Variants in NRXN3 observed in about 807,000 individuals in gnomAD.
NRXN3 encodes neurexin III.
NRXN3 carries 32 observed loss-of-function variants against 137.6 expected under a neutral mutation model. The ratio of observed to expected loss-of-function variants is 0.23; its 90% CI spans 0.18 to 0.31. The LOEUF is 0.31. Among genes scored for constraint, NRXN3 ranks in the 10% least tolerant of loss-of-function variants. The pLI is 1.00. For missense variants in NRXN3, 1,574 were observed against 2,062.5 expected (o/e 0.76, Z 4.59); for synonymous variants, 798 against 784.5 (o/e 1.02, Z -0.29).
chr14:78,710,827 C>A (rs1184193807), intron 7 of NRXN3, among the ~76,000 whole-genome samples: 5 of 152,152 alleles, frequency 3.3e-5, no homozygotes, highest in African/African-American at 1.2e-4. Flanking sequence ...AGATGGGTGG[C>A]AGATTGCAGC....
intron 4 of NRXN3, among the ~76,000 whole-genome samples, chr14:78,376,294 T>G (rs2087827999): frequency 6.6e-6 from 1 of 152,148 alleles, no homozygotes. Context: ...TCTAAAGAGG[T>G]CAGCTTCTAC....
At chr14:79,384,039 G>T (rs1298186446) in intron 15 of NRXN3, among the ~76,000 whole-genome samples, 1 of 152,116 alleles carries the variant, frequency 6.6e-6, no homozygotes, top group African/African-American at 2.4e-5. Flanking sequence ...GTTACCTGAA[G>T]CAATGCTTCT....
intron 16 of NRXN3, among the ~76,000 whole-genome samples, chr14:79,624,289 C>CTCCTGGG (rs2098257683): frequency 1.3e-5 from 2 of 152,156 alleles, no homozygotes; most frequent in African/African-American, 4.8e-5. Context: ...TTCAAGGTAT[C>CTCCTGGG]AACATGATAT....
intron 15 of NRXN3, among the ~76,000 whole-genome samples, chr14:79,223,366 T>C (rs764995005): frequency 9.2e-5 from 14 of 152,192 alleles, no homozygotes; most frequent in Non-Finnish European, 1.9e-4. Context: ...CTTGGTTAGA[T>C]TGTTGAAGTA....
chr14:78,306,663 G>T (rs1383539967), intron 4 of NRXN3, among the ~76,000 whole-genome samples: 3 of 152,126 alleles, frequency 2.0e-5, no homozygotes, highest in Admixed American at 2.0e-4. Flanking sequence ...GCTTATACTG[G>T]TGTATTGTGT....
At chr14:78,591,410 A>T (rs780312705) in intron 4 of NRXN3, among the ~76,000 whole-genome samples, 6 of 152,154 alleles carry the variant, frequency 3.9e-5, no homozygotes, top group Non-Finnish European at 8.8e-5. Context: ...TGTGGACCAC[A>T]TTTTGAGTAG....
In NRXN3 at chr14:78,269,091, T is replaced by C. The variant is rs1402529841; in HGVS notation, c.710-9554T>C. ...TTCAAACCTCACAGCAACCTGGTCA[T>C]GTACTTACTGTCATTATTCCCAGTA... On this transcript the variant is annotated intron_variant, in intron 2 of 20. Coordinates refer to ENST00000335750, the MANE Select transcript of NRXN3 (RefSeq NM_001330195.2). Among the ~76,000 whole-genome samples, 6 of 152,322 alleles carry C rather than the reference T, an allele frequency of 3.9e-5. No individual in the cohort carries two copies. In the East Asian group the frequency reaches 1.2e-3, roughly 29 times the overall value.
chr14:78,466,279 G>A (rs73316465), intron 4 of NRXN3, among the ~76,000 whole-genome samples: 2,714 of 152,256 alleles, frequency 0.018, 88 homozygotes, highest in African/African-American at 0.061. Context: ...TCAATCTGGT[G>A]AAAGAGACAT....
At chr14:79,077,902 A>G (rs1398783679) in intron 15 of NRXN3, among the ~76,000 whole-genome samples, 1 of 152,158 alleles carries the variant, frequency 6.6e-6, no homozygotes, top group Non-Finnish European at 1.5e-5. Flanking sequence ...AGGTTTACTT[A>G]TATAAGGCTG....
Position 79,862,632 on chromosome 14 carries a change from A to G in NRXN3, c.*668A>G, listed in dbSNP as rs961095291. 1 of 152,612 alleles carries G rather than the reference A, an allele frequency of 6.6e-6. No individual in the cohort carries two copies. Among genetic ancestry groups the G allele is most frequent in the Non-Finnish European group, 1.5e-5 (1 of 68,044 alleles). The allele number at this position is 152,612 out of a possible 1,614,324, so 9.5% of individuals were successfully genotyped here. ...GAAGAGGAAAAAAACTCAAAACAAA[A>G]GCGAGAGAGACTATTGCCATATGAA... On this transcript the variant is annotated 3_prime_UTR_variant, in exon 21 of 21. Coordinates refer to ENST00000335750, the MANE Select transcript of NRXN3 (RefSeq NM_001330195.2).
chr14:78,933,931 C>T (rs1360033688), intron 10 of NRXN3, among the ~76,000 whole-genome samples: 1 of 152,024 alleles, frequency 6.6e-6, no homozygotes, highest in Non-Finnish European at 1.5e-5. Flanking sequence ...TCCCCACCCC[C>T]AACCACCCCA....
At chr14:78,762,533 C>A (rs1313580404) in intron 8 of NRXN3, among the ~76,000 whole-genome samples, 1 of 152,052 alleles carries the variant, frequency 6.6e-6, no homozygotes, top group African/African-American at 2.4e-5. Flanking sequence ...TGTCTGTCAT[C>A]CCCTAGCCCA....
At chr14:79,825,800 A>T (rs1422370568) in intron 20 of NRXN3, among the ~76,000 whole-genome samples, 3 of 152,136 alleles carry the variant, frequency 2.0e-5, no homozygotes, top group Non-Finnish European at 1.5e-5. Flanking sequence ...ATATTGTTAC[A>T]CTTTTATATA....
intron 8 of NRXN3, among the ~76,000 whole-genome samples, chr14:78,751,313 A>G (rs1437521782): frequency 6.6e-6 from 1 of 152,200 alleles, no homozygotes; most frequent in Non-Finnish European, 1.5e-5. Context: ...AGCAGAGCAT[A>G]TGTTTTACAT....
chr14:78,210,401 TG>T, intron 1 of NRXN3, among the ~76,000 whole-genome samples: 1 of 152,344 alleles, frequency 6.6e-6, no homozygotes, highest in South Asian at 2.1e-4. Context: ...ATTATCACAC[TG>T]GGGATGATTT....
chr14:78,926,524 T>C (rs914376633), intron 10 of NRXN3, among the ~76,000 whole-genome samples: 1 of 138,052 alleles, frequency 7.2e-6, no homozygotes, highest in Non-Finnish European at 1.5e-5. Context: ...GTTCATCACT[T>C]GAGCCCAAGA....
At chr14:79,204,968 CT>C (rs2066592242) in intron 15 of NRXN3, among the ~76,000 whole-genome samples, 1 of 152,138 alleles carries the variant, frequency 6.6e-6, no homozygotes, top group Non-Finnish European at 1.5e-5. Flanking sequence ...ACATTCTTCC[CT>C]CTAAAGAGCA....
intron 15 of NRXN3, among the ~76,000 whole-genome samples, chr14:79,174,641 A>G (rs1294492740): frequency 6.6e-6 from 1 of 151,628 alleles, no homozygotes; most frequent in African/African-American, 2.4e-5. Flanking sequence ...TTTAAAAAAA[A>G]AAAAAGAGGA....
intron 15 of NRXN3, among the ~76,000 whole-genome samples, chr14:79,018,764 TC>T (rs1211516437): frequency 1.3e-5 from 2 of 152,182 alleles, no homozygotes; most frequent in African/African-American, 4.8e-5. Context: ...TGCTAGTGTC[TC>T]AATATTTGCC....
Sources: gnomAD v4.1 joint callset for allele counts (sites outside exome capture counted in the v4.1 genomes callset) on GRCh38, gnomAD v4.1.1 for gene constraint, MANE v1.5 for transcripts, NCBI Gene and HGNC (gene_info 2026-07-23, HGNC 2026-07-21) for gene names.